Variants in OPHN1 observed in about 807,000 individuals in gnomAD.
The protein encoded by OPHN1 is oligophrenin 1, also known as oligophrenin-1.
A neutral mutation model predicts 60.7 loss-of-function variants in OPHN1; 11 were observed. The ratio of observed to expected loss-of-function variants is 0.18; its 90% CI spans 0.11 to 0.30. OPHN1 has a LOEUF of 0.30. Among genes scored for constraint, OPHN1 ranks in the 10% least tolerant of loss-of-function variants. The pLI is 1.00. For synonymous variants in OPHN1, 226 were observed against 222.6 expected (o/e 1.02, Z -0.14); for missense variants, 449 against 611.0 (o/e 0.73, Z 2.80).
rs760601879 is a variant in OPHN1 at position 68,312,878 on chromosome X, G to T, written c.155-13782C>A. Among the ~76,000 whole-genome samples, 80 of 111,360 alleles carry T rather than the reference G, an allele frequency of 7.2e-4. 1 individual carries two copies. The highest frequency in any genetic ancestry group is 2.5e-3 in the African/African-American group (76 of 30,632). On this transcript the variant is annotated intron_variant, in intron 2 of 24. Transcript: ENST00000355520. Reference sequence around the variant, plus strand: ...CCCAACATTTAGAGAGGCCAAGGCAGGAGGATTACTTGAGTCAAGGAGCTC... The same window carrying T: ...CCCAACATTTAGAGAGGCCAAGGCATGAGGATTACTTGAGTCAAGGAGCTC...
chrX:68,115,824 G>A (rs1322848307), intron 16 of OPHN1, among the ~76,000 whole-genome samples: 5 of 112,116 alleles, frequency 4.5e-5, no homozygotes, highest in Admixed American at 2.8e-4. Context: ...AACTATGAGT[G>A]ACCATGGCCT....
chrX:68,311,129 G>A (rs1330149040), intron 2 of OPHN1, among the ~76,000 whole-genome samples: 2 of 110,767 alleles, frequency 1.8e-5, no homozygotes, highest in Non-Finnish European at 3.8e-5. Flanking sequence ...CACCAGGAAT[G>A]GTGGTGCATG....
chrX:68,168,923 C>G (rs895492426), intron 15 of OPHN1, among the ~76,000 whole-genome samples: 3 of 111,011 alleles, frequency 2.7e-5, no homozygotes, highest in Non-Finnish European at 3.8e-5. Flanking sequence ...ATAAATTCCT[C>G]GACACATACA....
chrX:68,227,600 A>T (rs991496147), intron 6 of OPHN1, among the ~76,000 whole-genome samples: 4 of 111,531 alleles, frequency 3.6e-5, no homozygotes, highest in African/African-American at 1.3e-4. Flanking sequence ...GGATTAAGAA[A>T]CTCACTCAAA....
At chrX:68,213,102 C>T (rs1394832489) in intron 7 of OPHN1, among the ~76,000 whole-genome samples, 6 of 112,364 alleles carry the variant, frequency 5.3e-5, no homozygotes, top group African/African-American at 1.9e-4. Flanking sequence ...GGTATGGTAG[C>T]TCATGCCTGT....
chrX:68,154,823 CAAAGCATA>C (rs2077301022), intron 15 of OPHN1, among the ~76,000 whole-genome samples: 1 of 106,210 alleles, frequency 9.4e-6, no homozygotes, highest in African/African-American at 3.4e-5. Context: ...TAAGAAGGAC[CAAAGCATA>C]AAAGAACATT....
At chrX:68,238,948 G>A (rs1364663044) in intron 5 of OPHN1, among the ~76,000 whole-genome samples, 1 of 111,733 alleles carries the variant, frequency 8.9e-6, no homozygotes, top group Non-Finnish European at 1.9e-5. Context: ...CTTATCACAA[G>A]GAGAGAGGGC....
chrX:68,257,690 T>C (rs1007478839), intron 5 of OPHN1, among the ~76,000 whole-genome samples: 4 of 111,820 alleles, frequency 3.6e-5, no homozygotes, highest in African/African-American at 1.3e-4. Context: ...TAAAATCAAC[T>C]AAAATTTAAA....
At chrX:68,092,340 C>T (rs2077021796) in intron 19 of OPHN1, among the ~76,000 whole-genome samples, 1 of 112,047 alleles carries the variant, frequency 8.9e-6, no homozygotes, top group Non-Finnish European at 1.9e-5. Context: ...GTTACACCTA[C>T]ATAAGGTCTA....
At chrX:68,310,381 A>T (rs10126315) in intron 2 of OPHN1, among the ~76,000 whole-genome samples, 7,580 of 110,865 alleles carry the variant, frequency 0.068, 661 homozygotes, top group African/African-American at 0.24. Flanking sequence ...AAAGGTTTCT[A>T]AAAGTTAATT....
chrX:68,089,078 A>G (rs2077006452), intron 19 of OPHN1, among the ~76,000 whole-genome samples: 1 of 111,247 alleles, frequency 9.0e-6, no homozygotes, highest in African/African-American at 3.3e-5. Context: ...TTGCTCCTCA[A>G]TTGATTCCTG....
intron 4 of OPHN1, among the ~76,000 whole-genome samples, chrX:68,279,267 C>T (rs868777650): frequency 3.8e-5 from 4 of 105,231 alleles, no homozygotes; most frequent in Non-Finnish European, 3.9e-5. Flanking sequence ...TGCACGATAA[C>T]GCCCAGCTAA....
At chrX:68,284,155 A>C (rs1484802614) in intron 3 of OPHN1, among the ~76,000 whole-genome samples, 1 of 111,774 alleles carries the variant, frequency 8.9e-6, no homozygotes, top group African/African-American at 3.2e-5. Context: ...TTACCTCTAA[A>C]GGAAATGTGA....
rs766868898 is a variant in OPHN1 at position 68,337,310 on chromosome X, C to T, written c.155-38214G>A. 7.2e-5 allele frequency among the ~76,000 whole-genome samples: 8 copies of T among 111,043 alleles called. No homozygotes were observed. In the East Asian group the frequency reaches 8.5e-4, roughly 12 times the overall value. On this transcript the variant is annotated intron_variant, in intron 2 of 24. Transcript: ENST00000355520. ...ACCTCTAGGATAATTATTATAAAAA[C>T]GTATTGTTCGATTTTTAAATATTAT...
intron 2 of OPHN1, among the ~76,000 whole-genome samples, chrX:68,389,176 C>G (rs1165769055): frequency 9.4e-6 from 1 of 105,876 alleles, no homozygotes; most frequent in African/African-American, 3.4e-5. Context: ...AGGCCAGTCT[C>G]GAACTCCTGA....
chrX:68,299,123 T>G, intron 2 of OPHN1, 27 bp from the exon 3 acceptor site: 1 of 921,088 alleles, frequency 1.1e-6, no homozygotes, highest in Non-Finnish European at 1.6e-6. Flanking sequence ...ACAAGAGAAA[T>G]GTTCAACAAT....
At chrX:68,375,451 C>G (rs1193218190) in intron 2 of OPHN1, among the ~76,000 whole-genome samples, 1 of 111,874 alleles carries the variant, frequency 8.9e-6, no homozygotes, top group Non-Finnish European at 1.9e-5. Context: ...AACAGGGATC[C>G]CTGAGGAGAA....
intron 15 of OPHN1, chrX:68,133,278 TA>T: frequency 1.6e-6 from 1 of 628,699 alleles, no homozygotes; most frequent in Non-Finnish European, 2.7e-6. Flanking sequence ...CAAATCGGAA[TA>T]ATACGTGAGT....
intron 2 of OPHN1, among the ~76,000 whole-genome samples, chrX:68,386,601 G>A (rs944397891): frequency 9.0e-6 from 1 of 111,659 alleles, no homozygotes; most frequent in Non-Finnish European, 1.9e-5. Flanking sequence ...GGCCTCACTG[G>A]GCCAGTATCC....
Sources: gnomAD v4.1 joint callset for allele counts (sites outside exome capture counted in the v4.1 genomes callset) on GRCh38, gnomAD v4.1.1 for gene constraint, MANE v1.5 for transcripts, NCBI Gene and HGNC (gene_info 2026-07-23, HGNC 2026-07-21) for gene names.